Variants in ADAMTS20 observed in about 807,000 individuals in gnomAD.
ADAMTS20 encodes the protein A disintegrin and metalloproteinase with thrombospondin motifs 20.
A neutral mutation model predicts 260.1 loss-of-function variants in ADAMTS20; 225 were observed. The observed-to-expected ratio is 0.87, with a 90% CI of 0.78 to 0.97. ADAMTS20 has a LOEUF of 0.97. ADAMTS20 is among the 50% of genes least tolerant of loss of function. ADAMTS20 has a pLI of 0.00. For synonymous variants in ADAMTS20, 802 were observed against 769.5 expected (o/e 1.04, Z -0.70); for missense variants, 2,400 against 2,337.7 (o/e 1.03, Z -0.55).
chr12:43,480,281 T>C (rs985755325), intron 7 of ADAMTS20, among the ~76,000 whole-genome samples: 8 of 152,086 alleles, frequency 5.3e-5, no homozygotes, highest in Admixed American at 5.2e-4. Flanking sequence ...CTCCTGAAAA[T>C]ATATGCATGA....
intron 31 of ADAMTS20, among the ~76,000 whole-genome samples, chr12:43,378,529 T>C (rs1171432711): frequency 2.0e-5 from 3 of 152,158 alleles, no homozygotes; most frequent in Non-Finnish European, 4.4e-5. Context: ...GATTAAACAA[T>C]ATACTGATCT....
At position 43,464,594 on chromosome 12, in the gene ADAMTS20, A is replaced by G. The variant is rs1942120475; in HGVS notation, c.1506T>C (p.His502=). The part of the protein sequence containing the change: ...AFGPGSQMCP[H]INICMHLWCT... ...TAAAGGAATTTTCTTTTCTTACTATATGGGGACACATTTGTGACCCAGGAC... is the reference window on the plus strand; with the variant it reads ...TAAAGGAATTTTCTTTTCTTACTATGTGGGGACACATTTGTGACCCAGGAC... Residue 502 remains histidine, a synonymous_variant, in exon 10 of 39, where the codon CAT becomes CAC. Transcript: ENST00000389420. 6.2e-7 allele frequency: 1 copy of G among 1,612,046 alleles called. No individual in the cohort carries two copies. The highest frequency in any genetic ancestry group is 1.1e-5 in the South Asian group (1 of 90,854).
Position 43,453,897 on chromosome 12 carries a change from A to G in ADAMTS20, c.1760+10T>C. 1 of 1,584,292 alleles carries G rather than the reference A, an allele frequency of 6.3e-7. No homozygotes were observed. The highest frequency in any genetic ancestry group is 8.6e-7 in the Non-Finnish European group (1 of 1,163,800). Reference sequence around the variant, plus strand: ...TAATCTTAATTTATAGTGACATAAAAAAGACATACTCAGGACGATTACAGC... The same window carrying G: ...TAATCTTAATTTATAGTGACATAAAGAAGACATACTCAGGACGATTACAGC... On this transcript the variant is annotated intron_variant, in intron 12 of 38. Coordinates refer to ENST00000389420, the MANE Select transcript of ADAMTS20 (RefSeq NM_025003.5).
chr12:43,470,703 CA>C (rs1238514624), intron 7 of ADAMTS20, among the ~76,000 whole-genome samples: 1 of 152,106 alleles, frequency 6.6e-6, no homozygotes, highest in Non-Finnish European at 1.5e-5. Flanking sequence ...ACATATTTTG[CA>C]AAACATGGTC....
chr12:43,420,796 C>G (rs202072803), intron 28 of ADAMTS20, among the ~76,000 whole-genome samples: 1 of 82,134 alleles, frequency 1.2e-5, no homozygotes, highest in Non-Finnish European at 2.3e-5. Flanking sequence ...TCCTCCTCCT[C>G]CTTCTTTTTT....
intron 7 of ADAMTS20, among the ~76,000 whole-genome samples, chr12:43,489,511 T>C (rs1300906182): frequency 1.3e-5 from 2 of 151,938 alleles, no homozygotes; most frequent in Non-Finnish European, 2.9e-5. Context: ...TTGAATTCAT[T>C]AGCAATCAGT....
chr12:43,415,736 C>T (rs558378858), intron 28 of ADAMTS20, among the ~76,000 whole-genome samples: 1 of 152,254 alleles, frequency 6.6e-6, no homozygotes, highest in South Asian at 2.1e-4. Context: ...CTTATTCTTA[C>T]CTACAAGATC....
intron 4 of ADAMTS20, among the ~76,000 whole-genome samples, chr12:43,495,754 T>C (rs1942669541): frequency 6.6e-6 from 1 of 152,132 alleles, no homozygotes; most frequent in Admixed American, 6.5e-5. Flanking sequence ...CAAAAACAGA[T>C]GGTTTGATTT....
intron 2 of ADAMTS20, among the ~76,000 whole-genome samples, chr12:43,546,866 C>T (rs971709502): frequency 2.6e-5 from 4 of 151,970 alleles, no homozygotes; most frequent in African/African-American, 9.7e-5. Context: ...TAAATACTTA[C>T]ACTTATGGAA....
At chr12:43,462,815 C>G in intron 11 of ADAMTS20, 80 bp downstream of exon 11, 1 of 1,173,944 alleles carries the variant, frequency 8.5e-7, no homozygotes, top group Non-Finnish European at 1.2e-6. Context: ...CAGCAAATAA[C>G]AAACAGAGTG....
chr12:43,524,302 A>G (rs1943112437), intron 3 of ADAMTS20, among the ~76,000 whole-genome samples: 1 of 133,568 alleles, frequency 7.5e-6, no homozygotes, highest in Admixed American at 7.8e-5. Flanking sequence ...ACTACAGTAA[A>G]CTGTAAACAT....
chr12:43,425,828 C>T, intron 27 of ADAMTS20, 138 bp from the exon 28 acceptor site: 1 of 525,922 alleles, frequency 1.9e-6, no homozygotes, highest in Non-Finnish European at 3.1e-6. Flanking sequence ...AGTAATGTTA[C>T]TCTAGTAATG....
At chr12:43,390,223 C>T (rs982704026) in intron 29 of ADAMTS20, among the ~76,000 whole-genome samples, 2 of 152,182 alleles carry the variant, frequency 1.3e-5, no homozygotes, top group African/African-American at 4.8e-5. Context: ...CTTCCATTGT[C>T]TTAGACAATA....
chr12:43,483,705 A>C (rs867867412), intron 7 of ADAMTS20, among the ~76,000 whole-genome samples: 17 of 152,160 alleles, frequency 1.1e-4, no homozygotes, highest in Non-Finnish European at 1.3e-4. Context: ...AAGGAGAGTC[A>C]CGGTGGCTCC....
At chr12:43,382,027 T>C (rs895651555) in intron 31 of ADAMTS20, among the ~76,000 whole-genome samples, 1 of 152,120 alleles carries the variant, frequency 6.6e-6, no homozygotes, top group East Asian at 1.9e-4. Flanking sequence ...GGAACCTTTA[T>C]ACATTGCTGA....
intron 9 of ADAMTS20, among the ~76,000 whole-genome samples, chr12:43,465,627 C>A (rs1942139908): frequency 6.6e-6 from 1 of 151,892 alleles, no homozygotes; most frequent in African/African-American, 2.4e-5. Context: ...ATTAAATGAA[C>A]ATGTAAGCTT....
chr12:43,547,999 A>G (rs1390122163), intron 2 of ADAMTS20, among the ~76,000 whole-genome samples: 1 of 152,228 alleles, frequency 6.6e-6, no homozygotes, highest in African/African-American at 2.4e-5. Flanking sequence ...CAAAGACCTC[A>G]TAACACGTTA....
intron 37 of ADAMTS20, among the ~76,000 whole-genome samples, chr12:43,368,199 CAAAT>C (rs1222048806): frequency 1.3e-5 from 2 of 152,016 alleles, no homozygotes; most frequent in Non-Finnish European, 2.9e-5. Context: ...GTTCCAGTGT[CAAAT>C]AAAAATAAAT....
At chr12:43,478,347 G>A (rs1320283727) in intron 7 of ADAMTS20, among the ~76,000 whole-genome samples, 2 of 151,936 alleles carry the variant, frequency 1.3e-5, no homozygotes, top group Non-Finnish European at 2.9e-5. Flanking sequence ...ATGGAAATTA[G>A]AGCTGCTTGA....
Sources: gnomAD v4.1 joint callset for allele counts (sites outside exome capture counted in the v4.1 genomes callset) on GRCh38, gnomAD v4.1.1 for gene constraint, MANE v1.5 for transcripts, NCBI Gene and HGNC (gene_info 2026-07-23, HGNC 2026-07-21) for gene names.